CDKAL1: variants seen among roughly 807,000 people sequenced by gnomAD.
The protein encoded by CDKAL1 is threonylcarbamoyladenosine tRNA methylthiotransferase.
CDKAL1 carries 32 observed loss-of-function variants against 68.2 expected under a neutral mutation model. That is an observed-to-expected ratio of 0.47 (90% confidence interval 0.35 to 0.63). CDKAL1 has a LOEUF of 0.63. CDKAL1 is among the 30% of genes least tolerant of loss of function. The probability of loss-of-function intolerance (pLI) is 0.00; values close to 1 mark genes in which losing one functional copy is unlikely to be tolerated. For synonymous variants in CDKAL1, 234 were observed against 244.3 expected (o/e 0.96, Z 0.39); for missense variants, 606 against 696.7 (o/e 0.87, Z 1.47).
At chr6:20,563,683 T>C (rs1287147300) in intron 4 of CDKAL1, among the ~76,000 whole-genome samples, 2 of 151,576 alleles carry the variant, frequency 1.3e-5, no homozygotes, top group Non-Finnish European at 2.9e-5. Context: ...AACATAGAGA[T>C]ATGAAGAATA....
chr6:20,563,116 A>T (rs954799624), intron 4 of CDKAL1, among the ~76,000 whole-genome samples: 1 of 152,230 alleles, frequency 6.6e-6, no homozygotes, highest in Non-Finnish European at 1.5e-5. Context: ...TGTTTTAACC[A>T]TGATCTTCAA....
intron 7 of CDKAL1, among the ~76,000 whole-genome samples, chr6:20,776,252 C>T (rs1402263387): frequency 6.6e-6 from 1 of 152,180 alleles, no homozygotes; most frequent in Non-Finnish European, 1.5e-5. Flanking sequence ...CTTGGCATCT[C>T]TTGAAGAACT....
intron 11 of CDKAL1, among the ~76,000 whole-genome samples, chr6:21,002,900 A>G (rs538569311): frequency 6.6e-6 from 1 of 151,288 alleles, no homozygotes; most frequent in South Asian, 2.1e-4. Context: ...GAGGTGGGAG[A>G]AACAATTGAG....
chr6:20,984,814 G>C (rs113748577), intron 10 of CDKAL1, among the ~76,000 whole-genome samples: 12 of 42,686 alleles, frequency 2.8e-4, no homozygotes, highest in Non-Finnish European at 4.3e-4. Flanking sequence ...ACAGTAACGG[G>C]GGGGGGTGGG....
intron 8 of CDKAL1, among the ~76,000 whole-genome samples, chr6:20,805,689 A>G (rs1776543280): frequency 6.6e-6 from 1 of 152,256 alleles, no homozygotes; most frequent in Non-Finnish European, 1.5e-5. Flanking sequence ...ACAACTTAAA[A>G]TGGAAAATCT....
intron 11 of CDKAL1, among the ~76,000 whole-genome samples, chr6:21,032,214 C>T (rs113043466): frequency 5.9e-5 from 9 of 152,156 alleles, no homozygotes; most frequent in African/African-American, 2.2e-4. Context: ...GGGGTGTCTG[C>T]GAGCTTTGTA....
At chr6:21,000,874 T>C (rs1264795482) in intron 11 of CDKAL1, among the ~76,000 whole-genome samples, 2 of 152,240 alleles carry the variant, frequency 1.3e-5, no homozygotes, top group African/African-American at 4.8e-5. Context: ...ACAAGAAGGT[T>C]TGAGGATTCT....
chr6:21,122,306 T>C (rs1478257953), intron 13 of CDKAL1, among the ~76,000 whole-genome samples: 1 of 152,228 alleles, frequency 6.6e-6, no homozygotes, highest in Non-Finnish European at 1.5e-5. Flanking sequence ...ACAGAAAGTA[T>C]AAAGAAATAA....
intron 5 of CDKAL1, among the ~76,000 whole-genome samples, chr6:20,653,759 C>T (rs534360995): frequency 6.6e-6 from 1 of 152,148 alleles, no homozygotes; most frequent in Admixed American, 6.5e-5. Flanking sequence ...GGATTACAGG[C>T]GTGCACCACC....
intron 5 of CDKAL1, among the ~76,000 whole-genome samples, chr6:20,703,590 A>G (rs1771469934): frequency 6.6e-6 from 1 of 152,188 alleles, no homozygotes; most frequent in African/African-American, 2.4e-5. Context: ...TTCCATTTGA[A>G]TGAAGTAAAA....
At chr6:20,617,679 G>C (rs1437038929) in intron 4 of CDKAL1, among the ~76,000 whole-genome samples, 2 of 152,088 alleles carry the variant, frequency 1.3e-5, no homozygotes, top group African/African-American at 4.8e-5. Flanking sequence ...TTGGTTTTCT[G>C]TCTTTGTGGT....
chr6:20,750,626 C>G (rs902521997), intron 6 of CDKAL1, among the ~76,000 whole-genome samples: 4 of 152,080 alleles, frequency 2.6e-5, no homozygotes, highest in Non-Finnish European at 5.9e-5. Flanking sequence ...TGGCAAAAAT[C>G]TATCTTGATA....
intron 8 of CDKAL1, among the ~76,000 whole-genome samples, chr6:20,838,933 C>T (rs775475041): frequency 6.6e-6 from 1 of 151,350 alleles, no homozygotes; most frequent in Non-Finnish European, 1.5e-5. Context: ...CCAGATCACA[C>T]CACTGCACAC....
At chr6:20,768,681 A>G (rs1446733092) in intron 7 of CDKAL1, among the ~76,000 whole-genome samples, 1 of 152,178 alleles carries the variant, frequency 6.6e-6, no homozygotes, top group East Asian at 1.9e-4. Context: ...AGTGTTGCTC[A>G]GAAACACTGT....
intron 10 of CDKAL1, among the ~76,000 whole-genome samples, chr6:20,977,245 A>T (rs1765885933): frequency 6.6e-6 from 1 of 152,210 alleles, no homozygotes; most frequent in South Asian, 2.1e-4. Flanking sequence ...ATTCAAGAGA[A>T]TGAGGTAATT....
In CDKAL1 at chr6:20,749,903, G is replaced by A. The variant is rs1041934635; in HGVS notation, c.469-8692G>A. Among the ~76,000 whole-genome samples the A allele has an allele frequency of 4.0e-5, 6 of 151,242 alleles. 1 individual carries two copies. The highest frequency in any genetic ancestry group is 7.3e-5 in the African/African-American group (3 of 41,142). ...TTTTTTTAAATAAAGACGGGGTCTCGCCATGTTGTCCAGGGTGGTTTCAAA... is the reference window on the plus strand; with the variant it reads ...TTTTTTTAAATAAAGACGGGGTCTCACCATGTTGTCCAGGGTGGTTTCAAA... On this transcript the variant is annotated intron_variant, in intron 6 of 15. Coordinates refer to ENST00000274695, the MANE Select transcript of CDKAL1 (RefSeq NM_017774.3).
intron 9 of CDKAL1, among the ~76,000 whole-genome samples, chr6:20,853,745 TAGTC>T (rs1405817550): frequency 6.6e-6 from 1 of 152,154 alleles, no homozygotes; most frequent in Non-Finnish European, 1.5e-5. Flanking sequence ...ACTGCAATGA[TAGTC>T]AGAGGCGAGA....
chr6:21,167,699 A>G (rs576609282), intron 13 of CDKAL1, among the ~76,000 whole-genome samples: 66 of 152,302 alleles, frequency 4.3e-4, no homozygotes, highest in Admixed American at 2.0e-3. Flanking sequence ...TCTTAACTGT[A>G]TTATTAATGG....
At chr6:20,631,752 C>G (rs1174344379) in intron 4 of CDKAL1, among the ~76,000 whole-genome samples, 1 of 152,122 alleles carries the variant, frequency 6.6e-6, no homozygotes, top group Non-Finnish European at 1.5e-5. Flanking sequence ...ATGAACCAGT[C>G]AGATGTTACA....
Sources: allele counts gnomAD v4.1 joint callset (sites outside exome capture counted in the v4.1 genomes callset), GRCh38; gene constraint gnomAD v4.1.1; transcripts MANE v1.5; gene names NCBI Gene and HGNC (gene_info 2026-07-23, HGNC 2026-07-21).